PRDM16: variants seen among roughly 807,000 people sequenced by gnomAD.
PRDM16 encodes the protein PR/SET domain 16.
A neutral mutation model predicts 110.6 loss-of-function variants in PRDM16; 23 were observed. The ratio of observed to expected loss-of-function variants is 0.21; its 90% CI spans 0.15 to 0.29. The LOEUF is 0.29. Among genes scored for constraint, PRDM16 ranks in the 10% least tolerant of loss-of-function variants. PRDM16 has a pLI of 1.00. For missense variants in PRDM16, 1,615 were observed against 1,794.3 expected, an observed-to-expected ratio of 0.90 and a Z score of 1.81; for synonymous variants, 799 against 781.8, an observed-to-expected ratio of 1.02 and a Z score of -0.37.
At chr1:3,202,567 C>T (rs1242482893) in intron 2 of PRDM16, among the ~76,000 whole-genome samples, 1 of 152,208 alleles carries the variant, frequency 6.6e-6, no homozygotes, top group African/African-American at 2.4e-5. Flanking sequence ...GCCCATGTCC[C>T]CTTAAGGGTC....
intron 11 of PRDM16, among the ~76,000 whole-genome samples, chr1:3,418,401 C>G (rs1414124369): frequency 2.6e-5 from 4 of 152,166 alleles, no homozygotes; most frequent in Non-Finnish European, 5.9e-5. Context: ...TCTGTTGGAG[C>G]CTGCCCTGTT....
chr1:3,281,432 A>G (rs1177506580), intron 3 of PRDM16, among the ~76,000 whole-genome samples: 1 of 152,258 alleles, frequency 6.6e-6, no homozygotes, highest in Non-Finnish European at 1.5e-5. Flanking sequence ...GTGCCTGCCA[A>G]TAAAACACCA....
rs891683796 is a variant in PRDM16, at chr1:3,213,426, A to T, written c.387+26952A>T. Among the ~76,000 whole-genome samples the T allele has an allele frequency of 6.6e-6, 1 of 152,130 alleles. No individual in the cohort carries two copies. The highest frequency in any genetic ancestry group is 1.5e-5 in the Non-Finnish European group (1 of 68,038). On this transcript the variant is annotated intron_variant, in intron 2 of 16. Transcript: ENST00000270722. The surrounding 1 kb of genome is among the most constrained non-coding windows in gnomAD (Gnocchi z 5.3). ...GCTCCGCCATTGTCATTAATTATAA[A>T]ATTGGGAGGACTGTAATTTTCCACT...
At chr1:3,310,938 G>A (rs551343329) in intron 3 of PRDM16, among the ~76,000 whole-genome samples, 11 of 150,142 alleles carry the variant, frequency 7.3e-5, no homozygotes, top group Admixed American at 1.3e-4. Flanking sequence ...GTGAGTGTGC[G>A]TGTGTGTCTG....
At chr1:3,270,456 G>A (rs947162000) in intron 3 of PRDM16, among the ~76,000 whole-genome samples, 10 of 148,734 alleles carry the variant, frequency 6.7e-5, no homozygotes, top group African/African-American at 2.5e-4. Context: ...CCAGAAGGAG[G>A]ACAGTCGGCG....
At chr1:3,247,736 G>C (rs1186912874) in intron 3 of PRDM16, among the ~76,000 whole-genome samples, 1 of 152,206 alleles carries the variant, frequency 6.6e-6, no homozygotes, top group African/African-American at 2.4e-5. Flanking sequence ...CCCTATGCGT[G>C]CCCTCGCCGT....
At chr1:3,241,356 C>G (rs1396167256) in intron 2 of PRDM16, among the ~76,000 whole-genome samples, 3 of 152,242 alleles carry the variant, frequency 2.0e-5, no homozygotes, top group African/African-American at 7.2e-5. Context: ...GACCACAGTC[C>G]TCAGCAGCCC....
At chr1:3,340,493 G>A (rs1642249898) in intron 3 of PRDM16, among the ~76,000 whole-genome samples, 1 of 152,190 alleles carries the variant, frequency 6.6e-6, no homozygotes, top group Admixed American at 6.5e-5. Context: ...GGAACATTCC[G>A]AGGGAAAATA....
chr1:3,205,123 G>A (rs548912879), intron 2 of PRDM16, among the ~76,000 whole-genome samples: 2 of 151,948 alleles, frequency 1.3e-5, no homozygotes, highest in African/African-American at 4.8e-5. Context: ...TTTGTTTGGT[G>A]GGGGCGGGGC....
chr1:3,273,577 T>C (rs1164324699), intron 3 of PRDM16, among the ~76,000 whole-genome samples: 1 of 152,118 alleles, frequency 6.6e-6, no homozygotes, highest in African/African-American at 2.4e-5. Flanking sequence ...TGCCCATGTG[T>C]GCACATGTGT....
chr1:3,312,493 C>T (rs1641485781), intron 3 of PRDM16, among the ~76,000 whole-genome samples: 1 of 152,244 alleles, frequency 6.6e-6, no homozygotes, highest in Non-Finnish European at 1.5e-5. Flanking sequence ...CGCTCCTCCC[C>T]AGCCTGCTGG....
intron 3 of PRDM16, among the ~76,000 whole-genome samples, chr1:3,368,273 C>T (rs76378670): frequency 0.024 from 3,596 of 152,318 alleles, 134 homozygotes; most frequent in African/African-American, 0.078. Context: ...GCTCAGGAGC[C>T]GCAACACGGG....
At chr1:3,355,628 G>A (rs956945108) in intron 3 of PRDM16, among the ~76,000 whole-genome samples, 1 of 152,050 alleles carries the variant, frequency 6.6e-6, no homozygotes, top group Non-Finnish European at 1.5e-5. Flanking sequence ...TCTCCTGCTG[G>A]GGGGACCGCT....
chr1:3,140,138 C>T (rs1643518914), intron 1 of PRDM16, among the ~76,000 whole-genome samples: 1 of 152,254 alleles, frequency 6.6e-6, no homozygotes, highest in African/African-American at 2.4e-5. Context: ...CACTTTTAAT[C>T]CAACATCGGC....
intron 2 of PRDM16, among the ~76,000 whole-genome samples, chr1:3,224,548 C>A (rs11805422): frequency 3.9e-5 from 6 of 152,222 alleles, no homozygotes; most frequent in African/African-American, 1.4e-4. Flanking sequence ...CTTCCACACG[C>A]GCTCGGGGCT....
intron 1 of PRDM16, among the ~76,000 whole-genome samples, chr1:3,099,193 G>A (rs564975546): frequency 6.6e-4 from 101 of 152,362 alleles, no homozygotes; most frequent in African/African-American, 2.4e-3. Context: ...GTTGAGGGCA[G>A]CTCGGTCAGC....
Position 3,157,847 on chromosome 1 carries a change from G to T in PRDM16, c.38-28278G>T, listed in dbSNP as rs932445206. Among the ~76,000 whole-genome samples, 5 of 152,286 alleles carry T rather than the reference G, an allele frequency of 3.3e-5. No individual in the cohort carries two copies. Among genetic ancestry groups the T allele is most frequent in the African/African-American group, 1.2e-4 (5 of 41,562 alleles). On this transcript the variant is annotated intron_variant, in intron 1 of 16. Transcript: ENST00000270722. This position sits in a 1 kb window ranked among gnomAD's most constrained non-coding sequence, Gnocchi z 4.8. Reference sequence around the variant, plus strand: ...AGGCCATCTGGCCTCCCCCAGCACCGCCGGGCTGGATGCTTTAGCCCCAGC... The same window carrying T: ...AGGCCATCTGGCCTCCCCCAGCACCTCCGGGCTGGATGCTTTAGCCCCAGC...
intron 2 of PRDM16, among the ~76,000 whole-genome samples, chr1:3,187,085 G>A (rs1226397185): frequency 6.6e-6 from 1 of 152,224 alleles, no homozygotes; most frequent in Non-Finnish European, 1.5e-5. Context: ...CTGCTGCAGG[G>A]GTCAGGAGAG....
intron 1 of PRDM16, among the ~76,000 whole-genome samples, chr1:3,110,888 T>C (rs991530851): frequency 2.0e-5 from 3 of 152,072 alleles, no homozygotes; most frequent in Admixed American, 6.5e-5. Flanking sequence ...AGTTGCCGAG[T>C]CCTTGCCGCC....
Sources: allele counts gnomAD v4.1 joint callset (sites outside exome capture counted in the v4.1 genomes callset), GRCh38; gene constraint gnomAD v4.1.1; non-coding constraint Gnocchi (gnomAD v3.1); transcripts MANE v1.5; gene names NCBI Gene and HGNC (gene_info 2026-07-23, HGNC 2026-07-21).